NFILZ: variants seen among roughly 807,000 people sequenced by gnomAD.
The protein encoded by NFILZ is NFIL3 like basic leucine zipper.
intron 3 of NFILZ, among the ~76,000 whole-genome samples, chr19:8,644,813 C>T (rs2042932219): frequency 1.3e-5 from 2 of 151,502 alleles, no homozygotes; most frequent in African/African-American, 4.9e-5. Flanking sequence ...GTTGCCCAGG[C>T]TGGAGTGCAA....
chr19:8,637,300 A>G (rs1319175101), intron 3 of NFILZ, among the ~76,000 whole-genome samples: 2 of 151,940 alleles, frequency 1.3e-5, no homozygotes, highest in Admixed American at 1.3e-4. Flanking sequence ...AGCTGAGATC[A>G]CACCACTGCA....
chr19:8,651,115 T>G (rs1440847002), intron 3 of NFILZ, among the ~76,000 whole-genome samples: 4 of 152,230 alleles, frequency 2.6e-5, no homozygotes, highest in African/African-American at 9.6e-5. Context: ...CATTTATTTG[T>G]GTTAGGAACG....
chr19:8,643,710 C>G (rs2042928102), intron 3 of NFILZ, among the ~76,000 whole-genome samples: 1 of 152,290 alleles, frequency 6.6e-6, no homozygotes, highest in African/African-American at 2.4e-5. Flanking sequence ...GGCTCTCAGG[C>G]TCTCCAACCT....
intron 3 of NFILZ, among the ~76,000 whole-genome samples, chr19:8,645,845 C>T (rs1555747033): frequency 1.3e-5 from 2 of 152,190 alleles, no homozygotes; most frequent in Non-Finnish European, 1.5e-5. Context: ...GATCAAGCCT[C>T]ACCTGAAGCA....
At chr19:8,663,709 T>G (rs556781532) in intron 3 of NFILZ, among the ~76,000 whole-genome samples, 20 of 149,186 alleles carry the variant, frequency 1.3e-4, no homozygotes, top group Non-Finnish European at 2.4e-4. Flanking sequence ...CAAGGTGTGG[T>G]GTGTGTGTGT....
rs144771862 is a variant in NFILZ at position 8,679,472 on chromosome 19, TG to T, written c.*1842del. ...GAGCATCGCCCACCCCCACCAGATCTGGGGGCTGGGCTAGTTCTTGGCTACT... is the reference window on the plus strand; with the variant it reads ...GAGCATCGCCCACCCCCACCAGATCTGGGGCTGGGCTAGTTCTTGGCTACT... On this transcript the variant is annotated 3_prime_UTR_variant, in exon 6 of 6. Transcript: ENST00000691075. 2.1e-3 allele frequency among the ~76,000 whole-genome samples: 324 copies of T among 152,106 alleles called. 9 individuals are homozygous for T. The East Asian group carries it at 0.059, about 28-fold the overall frequency.
rs2042975815 is a variant in NFILZ, at chr19:8,653,043, TCTCTCTC to T, written c.-164+17298_-164+17304del. Among the ~76,000 whole-genome samples, 229 of 69,038 alleles carry T rather than the reference TCTCTCTC, an allele frequency of 3.3e-3. 2 individuals are homozygous for T. Among genetic ancestry groups the T allele is most frequent in the Admixed American group, 5.4e-3 (32 of 5,914 alleles). The allele number at this position is 69,038 out of a possible 152,430, so 45.3% of individuals were successfully genotyped here. A position where few individuals can be genotyped will look rare whatever the true frequency, so the allele number is the denominator to read the frequency against. On this transcript the variant is annotated intron_variant, in intron 3 of 5. Transcript: ENST00000691075. ...TTCTTTCTTTCTTTCTTTCTTTCTC[TCTCTCTC>T]TCTCTCTCTCTCTCTCTCTCTCTCT...
chr19:8,653,575 G>A (rs2042979050), intron 3 of NFILZ, among the ~76,000 whole-genome samples: 1 of 152,166 alleles, frequency 6.6e-6, no homozygotes, highest in South Asian at 2.1e-4. Context: ...ACCAACCGGT[G>A]TGGCCATCAA....
chr19:8,633,092 C>T (rs2146132672), intron 2 of NFILZ, among the ~76,000 whole-genome samples: 1 of 139,446 alleles, frequency 7.2e-6, no homozygotes, highest in East Asian at 2.2e-4. Flanking sequence ...GTAATCTTGG[C>T]TTACTGCACC....
At chr19:8,653,041 TC>T (rs2042975658) in intron 3 of NFILZ, among the ~76,000 whole-genome samples, 5,545 of 61,174 alleles carry the variant, frequency 0.091, 399 homozygotes, top group East Asian at 0.27. Context: ...TCTTTCTTTC[TC>T]TCTCTCTCTC....
At chr19:8,642,637 C>A (rs541885271) in intron 3 of NFILZ, among the ~76,000 whole-genome samples, 1 of 152,010 alleles carries the variant, frequency 6.6e-6, no homozygotes, top group Admixed American at 6.6e-5. Context: ...TTCTCCTCCA[C>A]GTGGCCTCTC....
chr19:8,657,368 C>T (rs1386168087), intron 3 of NFILZ, among the ~76,000 whole-genome samples: 2 of 151,930 alleles, frequency 1.3e-5, no homozygotes, highest in East Asian at 1.9e-4. Context: ...TCCCAAAGTG[C>T]TGGGATTACA....
At chr19:8,657,926 T>C (rs1031618577) in intron 3 of NFILZ, among the ~76,000 whole-genome samples, 10 of 152,110 alleles carry the variant, frequency 6.6e-5, no homozygotes, top group Non-Finnish European at 1.3e-4. Flanking sequence ...TTCTCAAACT[T>C]CAAGGCTGAG....
intron 3 of NFILZ, among the ~76,000 whole-genome samples, chr19:8,652,883 C>T (rs1225165020): frequency 4.8e-5 from 7 of 145,634 alleles, no homozygotes; most frequent in Admixed American, 4.2e-4. Flanking sequence ...CTTCCCCCTC[C>T]TTCCTTCCTT....
chr19:8,642,563 G>A (rs1555746750), intron 3 of NFILZ, among the ~76,000 whole-genome samples: 1 of 152,044 alleles, frequency 6.6e-6, no homozygotes, highest in Non-Finnish European at 1.5e-5. Flanking sequence ...GTTGGCTGGG[G>A]CTGACTACCT....
chr19:8,671,870 G>A (rs2043088483), intron 3 of NFILZ, among the ~76,000 whole-genome samples: 2 of 152,154 alleles, frequency 1.3e-5, no homozygotes, highest in Admixed American at 6.5e-5. Context: ...GGAATTCTGT[G>A]GCTAGTGGGG....
intron 3 of NFILZ, among the ~76,000 whole-genome samples, chr19:8,659,766 C>G (rs1392539921): frequency 6.6e-6 from 1 of 152,182 alleles, no homozygotes; most frequent in African/African-American, 2.4e-5. Flanking sequence ...TTCGTGCCCT[C>G]TGAGTCCCCA....
chr19:8,658,725 T>C (rs2043016236), intron 3 of NFILZ, among the ~76,000 whole-genome samples: 1 of 152,096 alleles, frequency 6.6e-6, no homozygotes, highest in Non-Finnish European at 1.5e-5. Context: ...ATCTACTATA[T>C]GCCAGCCCCC....
chr19:8,663,740 G>GTGTGTATGTGTA (rs2043046036), intron 3 of NFILZ, among the ~76,000 whole-genome samples: 1 of 131,646 alleles, frequency 7.6e-6, no homozygotes, highest in Admixed American at 8.2e-5. Flanking sequence ...GTGTGTGTGT[G>GTGTGTATGTGTA]TGTGTGTGTG....
Sources: allele counts gnomAD v4.1 joint callset (sites outside exome capture counted in the v4.1 genomes callset), GRCh38; gene constraint gnomAD v4.1.1; transcripts MANE v1.5; gene names NCBI Gene and HGNC (gene_info 2026-07-23, HGNC 2026-07-21).